The following RSU1 variants were observed in gnomAD, a reference collection of about 807,000 sequenced individuals.
RSU1 encodes the protein rsu-1.
In RSU1, 26 loss-of-function variants were observed where a neutral mutation model predicts 31.1. The observed-to-expected ratio is 0.84, with a 90% CI of 0.61 to 1.16. The LOEUF (loss-of-function observed/expected upper bound fraction) is 1.16. RSU1 is among the 50% of genes most tolerant of loss of function. RSU1 has a pLI of 0.00. For missense variants in RSU1, 320 were observed against 339.1 expected, an observed-to-expected ratio of 0.94 and a Z score of 0.44; for synonymous variants, 164 against 136.3, an observed-to-expected ratio of 1.20 and a Z score of -1.41.
At chr10:16,715,882 T>G (rs1347211829) in intron 7 of RSU1, among the ~76,000 whole-genome samples, 1 of 152,234 alleles carries the variant, frequency 6.6e-6, no homozygotes. Context: ...ATCTACAGAT[T>G]GCTTTAGATA....
At chr10:16,759,206 T>A (rs1280269239) in intron 4 of RSU1, among the ~76,000 whole-genome samples, 1 of 151,906 alleles carries the variant, frequency 6.6e-6, no homozygotes, top group South Asian at 2.1e-4. Flanking sequence ...AATAAAAATT[T>A]AAAAAAATCC....
At chr10:16,682,439 T>A (rs186077243) in intron 8 of RSU1, among the ~76,000 whole-genome samples, 1 of 152,122 alleles carries the variant, frequency 6.6e-6, no homozygotes, top group Non-Finnish European at 1.5e-5. Context: ...AAAGATAATA[T>A]TGATTCTTGC....
chr10:16,800,745 T>C (rs1838138478), intron 2 of RSU1, among the ~76,000 whole-genome samples: 1 of 152,184 alleles, frequency 6.6e-6, no homozygotes, highest in East Asian at 1.9e-4. Context: ...CACAGTGTTA[T>C]TTAAAAGTGA....
intron 7 of RSU1, among the ~76,000 whole-genome samples, chr10:16,720,171 G>C (rs1435674490): frequency 6.6e-6 from 1 of 152,128 alleles, no homozygotes; most frequent in Non-Finnish European, 1.5e-5. Flanking sequence ...TCCCTTTAAA[G>C]AAACATGACA....
chr10:16,813,258 T>G (rs931095578), intron 2 of RSU1, among the ~76,000 whole-genome samples: 43 of 152,236 alleles, frequency 2.8e-4, no homozygotes, highest in African/African-American at 1.0e-3. Context: ...ATAAATAAAT[T>G]AGGACAAATT....
intron 8 of RSU1, among the ~76,000 whole-genome samples, chr10:16,604,791 G>T (rs576602212): frequency 1.5e-4 from 23 of 152,304 alleles, no homozygotes; most frequent in Non-Finnish European, 2.9e-4. Flanking sequence ...GTCCATCAGG[G>T]TGTCCTGTCA....
intron 8 of RSU1, among the ~76,000 whole-genome samples, chr10:16,604,481 G>A (rs1021309097): frequency 2.6e-5 from 4 of 151,192 alleles, no homozygotes; most frequent in Admixed American, 6.6e-5. Context: ...CCGCCCACCC[G>A]GCACACGCGA....
intron 3 of RSU1, among the ~76,000 whole-genome samples, chr10:16,777,875 C>T (rs1404961579): frequency 1.3e-5 from 2 of 152,104 alleles, no homozygotes; most frequent in Non-Finnish European, 2.9e-5. Context: ...GCTGCCTTCC[C>T]ACGCATCTGA....
chr10:16,647,373 T>C (rs1468367005), intron 8 of RSU1, among the ~76,000 whole-genome samples: 1 of 152,208 alleles, frequency 6.6e-6, no homozygotes, highest in East Asian at 1.9e-4. Context: ...ATAGTTACCA[T>C]TTGACCCGGC....
chr10:16,815,742 C>T (rs191188762), intron 2 of RSU1, among the ~76,000 whole-genome samples: 2 of 152,292 alleles, frequency 1.3e-5, no homozygotes, highest in African/African-American at 4.8e-5. Flanking sequence ...ACACGACCAC[C>T]TTCACAGAGG....
At chr10:16,725,665 G>T (rs932503869) in intron 7 of RSU1, among the ~76,000 whole-genome samples, 1 of 151,564 alleles carries the variant, frequency 6.6e-6, no homozygotes, top group Non-Finnish European at 1.5e-5. Context: ...TTCTCCAGAG[G>T]ATGCAGTGTC....
intron 8 of RSU1, among the ~76,000 whole-genome samples, chr10:16,637,286 G>A (rs778778328): frequency 1.3e-5 from 2 of 152,156 alleles, no homozygotes; most frequent in Non-Finnish European, 2.9e-5. Context: ...CACTGTGAGT[G>A]TAAACTAGTT....
chr10:16,805,070 G>A (rs1226970459), intron 2 of RSU1, among the ~76,000 whole-genome samples: 2 of 152,022 alleles, frequency 1.3e-5, no homozygotes, highest in East Asian at 1.9e-4. Context: ...GTGTGATGGC[G>A]CCTGCCTGTA....
intron 8 of RSU1, among the ~76,000 whole-genome samples, chr10:16,657,440 G>A (rs1834805129): frequency 6.6e-6 from 1 of 150,860 alleles, no homozygotes; most frequent in Non-Finnish European, 1.5e-5. Context: ...AAAGAACAAG[G>A]CAATATGATC....
rs115538674 is a variant in RSU1 at position 16,604,657 on chromosome 10, T to C, written c.732-11161A>G. ...CCCCCTGAGACAGGCGCTACCCCCA[T>C]TCCCATTTGACAGGTGGGGAAACAA... is the stretch of plus-strand genomic sequence containing the variant. On this transcript the variant is annotated intron_variant, in intron 8 of 8. Transcript: ENST00000345264. Among the ~76,000 whole-genome samples, 515 of 152,194 alleles carry C rather than the reference T, an allele frequency of 3.4e-3. 2 individuals are homozygous for C. Among genetic ancestry groups the C allele is most frequent in the African/African-American group, 0.012 (487 of 41,534 alleles).
chr10:16,603,850 GA>G (rs45491196), intron 8 of RSU1, among the ~76,000 whole-genome samples: 6,191 of 152,204 alleles, frequency 0.041, 159 homozygotes, highest in Non-Finnish European at 0.064. Context: ...GTAATACAAC[GA>G]TACACAAACC....
intron 8 of RSU1, among the ~76,000 whole-genome samples, chr10:16,645,968 ATATATATGTG>A (rs1218214976): frequency 0.011 from 987 of 90,944 alleles, 166 homozygotes; most frequent in Non-Finnish European, 0.013. Context: ...ATATATGTGT[ATATATATGTG>A]TATATACATA....
At chr10:16,808,419 G>A (rs928467482) in intron 2 of RSU1, among the ~76,000 whole-genome samples, 7 of 150,220 alleles carry the variant, frequency 4.7e-5, no homozygotes, top group African/African-American at 1.5e-4. Context: ...GGGAGGCGGA[G>A]GCTGCAGTGA....
At chr10:16,730,703 A>G (rs1237237971) in intron 7 of RSU1, among the ~76,000 whole-genome samples, 1 of 152,228 alleles carries the variant, frequency 6.6e-6, no homozygotes, top group African/African-American at 2.4e-5. Flanking sequence ...TAAAAAATAA[A>G]AAGTAGAAAA....
Sources: gnomAD v4.1 joint callset for allele counts (sites outside exome capture counted in the v4.1 genomes callset) on GRCh38, gnomAD v4.1.1 for gene constraint, MANE v1.5 for transcripts, NCBI Gene and HGNC (gene_info 2026-07-23, HGNC 2026-07-21) for gene names.